Variants in WDFY3 observed in about 807,000 individuals in gnomAD.
WDFY3 encodes WD repeat and FYVE domain containing 3, also known as WD repeat and FYVE domain-containing protein 3.
Under a neutral mutation model 409.6 loss-of-function variants are expected in WDFY3, and 66 were observed. The ratio of observed to expected loss-of-function variants is 0.16; its 90% confidence interval spans 0.13 to 0.20. WDFY3 has a LOEUF of 0.20. Among genes scored for constraint, WDFY3 ranks in the 10% least tolerant of loss-of-function variants. WDFY3 has a pLI of 1.00. For synonymous variants in WDFY3, 1,521 were observed against 1,537.1 expected, an observed-to-expected ratio of 0.99 and a Z score of 0.25; for missense variants, 3,031 against 4,298.1, an observed-to-expected ratio of 0.71 and a Z score of 8.24.
rs1725212200 is a variant in WDFY3, at chr4:84,669,912, T to G, written c.*2956A>C. On this transcript the variant is annotated 3_prime_UTR_variant, in exon 68 of 68. Transcript: ENST00000295888. ...CACTGACACAAAAAGTCAGCTGTGT[T>G]AAGAGTCATGCAACAAGTAACCAAA... The G allele has an allele frequency of 6.6e-6, 1 of 152,500 alleles. No homozygotes were observed. The highest frequency in any genetic ancestry group is 6.6e-5 in the Admixed American group (1 of 15,260). The allele number at this position is 152,500 out of a possible 1,614,324, so 9.4% of individuals were successfully genotyped here. A position where few individuals can be genotyped will look rare whatever the true frequency, so the allele number is the denominator to read the frequency against.
chr4:84,789,658 C>G (rs973266213), intron 22 of WDFY3, 68 bp downstream of exon 22: 9 of 1,493,348 alleles, frequency 6.0e-6, no homozygotes, highest in Non-Finnish European at 8.3e-6. Flanking sequence ...CACACACACA[C>G]ACACACACAC....
chr4:84,876,619 G>A (rs1762817223), intron 3 of WDFY3, among the ~76,000 whole-genome samples: 1 of 151,780 alleles, frequency 6.6e-6, no homozygotes, highest in South Asian at 2.1e-4. Context: ...TCTCAATAAA[G>A]AGAACCAAAT....
chr4:84,694,522 G>A (rs1729787131), intron 58 of WDFY3, among the ~76,000 whole-genome samples: 1 of 152,190 alleles, frequency 6.6e-6, no homozygotes, highest in Non-Finnish European at 1.5e-5. Context: ...TTCCCCTAGG[G>A]TATGAAAGAT....
rs71670883 is a variant in WDFY3 at position 84,797,557 on chromosome 4, CTTAT to C, written c.2935+435_2935+438del. Among the ~76,000 whole-genome samples the C allele has an allele frequency of 7.4e-3, 1,079 of 145,702 alleles. 4 individuals carry two copies. The highest frequency in any genetic ancestry group is 0.02 in the South Asian group (93 of 4,588). ...TAGCAAAGGAAATCACAACTCAATT[CTTAT>C]TTATTTATTTATTTATTTATTTATT... On this transcript the variant is annotated intron_variant, in intron 18 of 67. Coordinates refer to ENST00000295888, the MANE Select transcript of WDFY3 (RefSeq NM_014991.6).
chr4:84,890,390 A>G (rs1182326929), intron 3 of WDFY3, among the ~76,000 whole-genome samples: 1 of 152,166 alleles, frequency 6.6e-6, no homozygotes. Flanking sequence ...GTGAGCCACC[A>G]CACGTGGCCT....
At chr4:84,905,936 A>T (rs1457279188) in intron 2 of WDFY3, among the ~76,000 whole-genome samples, 1 of 152,150 alleles carries the variant, frequency 6.6e-6, no homozygotes, top group Admixed American at 6.5e-5. Context: ...TTTTCTGGCA[A>T]TGTAGAAGTA....
chr4:84,702,548 C>T, intron 55 of WDFY3, 42 bp from the exon 56 acceptor site: 1 of 1,488,198 alleles, frequency 6.7e-7, no homozygotes, highest in Non-Finnish European at 8.9e-7. Flanking sequence ...AGAACCGTTC[C>T]CACCTGACAG....
chr4:84,833,116 T>C (rs1235614635), intron 7 of WDFY3, among the ~76,000 whole-genome samples: 1 of 152,036 alleles, frequency 6.6e-6, no homozygotes, highest in Non-Finnish European at 1.5e-5. Flanking sequence ...ATTCTTTAAC[T>C]GTGATTTGCA....
intron 10 of WDFY3, among the ~76,000 whole-genome samples, chr4:84,825,447 G>C (rs949137793): frequency 1.3e-5 from 2 of 151,068 alleles, no homozygotes; most frequent in Non-Finnish European, 2.9e-5. Flanking sequence ...GCTCACTGCA[G>C]CTTTGAACTC....
rs781075563 is a variant in WDFY3 at position 84,827,006 on chromosome 4, A to G, written c.957-25T>C. ...TCTAGAAAAGTATGATTTAGAAAGT[A>G]TTTTTTTTCTCTTTGGTTGTGTTCT... is the stretch of plus-strand genomic sequence containing the variant. On this transcript the variant is annotated intron_variant, in intron 9 of 67. Coordinates refer to ENST00000295888, the MANE Select transcript of WDFY3 (RefSeq NM_014991.6). The G allele has an allele frequency of 3.1e-6, 5 of 1,588,392 alleles. No individual in the cohort carries two copies. The East Asian group carries it at 1.1e-4, about 36-fold the overall frequency.
intron 55 of WDFY3, among the ~76,000 whole-genome samples, chr4:84,702,863 G>A (rs1731274660): frequency 1.3e-5 from 2 of 152,132 alleles, no homozygotes; most frequent in East Asian, 1.9e-4. Flanking sequence ...TTCGGAGGCC[G>A]AGGCGGGCGG....
intron 30 of WDFY3, among the ~76,000 whole-genome samples, chr4:84,767,112 ATT>A (rs974265092): frequency 3.2e-4 from 47 of 144,864 alleles, no homozygotes; most frequent in African/African-American, 1.2e-3. Context: ...CAATCAGGCC[ATT>A]TTTTTTTTTC....
intron 4 of WDFY3, among the ~76,000 whole-genome samples, chr4:84,854,568 G>T (rs867979685): frequency 6.6e-6 from 1 of 152,166 alleles, no homozygotes. Flanking sequence ...GTCAGAAGGT[G>T]TAGATTCTAC....
intron 8 of WDFY3, among the ~76,000 whole-genome samples, chr4:84,830,381 T>C (rs1367116225): frequency 6.6e-6 from 1 of 152,208 alleles, no homozygotes; most frequent in Non-Finnish European, 1.5e-5. Flanking sequence ...ATAAAGTTGA[T>C]TTTGTGTTAG....
rs577614884 is a variant in WDFY3 at position 84,846,519 on chromosome 4, T to C, written c.304+3383A>G. Among the ~76,000 whole-genome samples the C allele has an allele frequency of 9.5e-4, 144 of 151,268 alleles. 1 individual carries two copies. The highest frequency in any genetic ancestry group is 1.7e-3 in the Non-Finnish European group (114 of 67,886). On this transcript the variant is annotated intron_variant, in intron 5 of 67. Coordinates refer to ENST00000295888, the MANE Select transcript of WDFY3 (RefSeq NM_014991.6). Reference sequence around the variant, plus strand: ...AACAAATCTCCACTGTAGCAAAATATCTTTCTACAAACATGCAGATTAGGT... The same window carrying C: ...AACAAATCTCCACTGTAGCAAAATACCTTTCTACAAACATGCAGATTAGGT...
At chr4:84,895,451 T>C (rs535894903) in intron 3 of WDFY3, among the ~76,000 whole-genome samples, 1 of 152,284 alleles carries the variant, frequency 6.6e-6, no homozygotes, top group South Asian at 2.1e-4. Flanking sequence ...GCAAATAAAC[T>C]GTGTACACAG....
chr4:84,686,609 A>C (rs1030368326), intron 62 of WDFY3, among the ~76,000 whole-genome samples: 8 of 152,148 alleles, frequency 5.3e-5, no homozygotes, highest in African/African-American at 1.9e-4. Flanking sequence ...TCACTCAATG[A>C]CATGGCTAGA....
chr4:84,798,148 TTATTA>T, intron 17 of WDFY3, 40 bp from the exon 18 acceptor site: 1 of 1,481,712 alleles, frequency 6.7e-7, no homozygotes, highest in Non-Finnish European at 9.3e-7. Context: ...TTGATTGAGA[TTATTA>T]TATAATTCAT....
intron 61 of WDFY3, 52 bp from the exon 62 acceptor site, chr4:84,688,317 C>T (rs766198497): frequency 2.0e-5 from 32 of 1,564,914 alleles, no homozygotes; most frequent in Non-Finnish European, 2.7e-5. Flanking sequence ...TGACAGGGTT[C>T]CACAGTGACT....
Sources: gnomAD v4.1 joint callset for allele counts (sites outside exome capture counted in the v4.1 genomes callset) on GRCh38, gnomAD v4.1.1 for gene constraint, MANE v1.5 for transcripts, NCBI Gene and HGNC (gene_info 2026-07-23, HGNC 2026-07-21) for gene names.